Variants in CDK14 observed in about 807,000 individuals in gnomAD.
CDK14 encodes the protein cyclin-dependent kinase 14.
CDK14 carries 34 observed loss-of-function variants against 60.7 expected under a neutral mutation model. The ratio of observed to expected loss-of-function variants is 0.56; its 90% CI spans 0.43 to 0.75. CDK14 has a LOEUF of 0.75. CDK14 is among the 30% of genes least tolerant of loss of function. The pLI is 0.00. For missense variants in CDK14, 482 were observed against 564.1 expected (o/e 0.85, Z 1.47); for synonymous variants, 197 against 203.7 (o/e 0.97, Z 0.28).
At chr7:90,933,094 C>T (rs929617144) in intron 8 of CDK14, among the ~76,000 whole-genome samples, 3 of 152,046 alleles carry the variant, frequency 2.0e-5, no homozygotes, top group African/African-American at 7.2e-5. Context: ...AATCCCAGCA[C>T]TTTGGGCGAC....
chr7:91,174,533 A>T (rs1801657313), intron 14 of CDK14, among the ~76,000 whole-genome samples: 1 of 151,080 alleles, frequency 6.6e-6, no homozygotes, highest in South Asian at 2.1e-4. Context: ...CATTCAAACC[A>T]AAGGCAAAGA....
At chr7:90,803,499 G>C (rs1443549466) in intron 5 of CDK14, among the ~76,000 whole-genome samples, 1 of 152,142 alleles carries the variant, frequency 6.6e-6, no homozygotes. Context: ...GATGAAGGTG[G>C]GGTTAGTCAG....
At chr7:91,037,212 A>G (rs1796957343) in intron 10 of CDK14, among the ~76,000 whole-genome samples, 1 of 152,166 alleles carries the variant, frequency 6.6e-6, no homozygotes, top group Non-Finnish European at 1.5e-5. Context: ...TGCCTTATTA[A>G]ATATTTTTGA....
intron 14 of CDK14, among the ~76,000 whole-genome samples, chr7:91,161,201 AT>A (rs964381228): frequency 2.0e-5 from 3 of 152,122 alleles, no homozygotes; most frequent in Non-Finnish European, 4.4e-5. Context: ...GATTATGGAT[AT>A]TGTGGTGTAG....
intron 5 of CDK14, among the ~76,000 whole-genome samples, chr7:90,793,641 A>T (rs1392383068): frequency 6.6e-6 from 1 of 152,192 alleles, no homozygotes; most frequent in East Asian, 1.9e-4. Context: ...TGCTCCATGG[A>T]AGTGGCTTTT....
intron 2 of CDK14, among the ~76,000 whole-genome samples, chr7:90,633,115 T>C (rs182307727): frequency 6.6e-6 from 1 of 150,664 alleles, no homozygotes; most frequent in African/African-American, 2.4e-5. Context: ...AAAAAATTGT[T>C]TTGCAGTGTA....
chr7:91,187,979 T>C (rs1802242766), intron 14 of CDK14, among the ~76,000 whole-genome samples: 1 of 152,210 alleles, frequency 6.6e-6, no homozygotes, highest in African/African-American at 2.4e-5. Flanking sequence ...CCTTTTCCTA[T>C]TGGCACAACT....
chr7:91,125,620 ACAT>A (rs200250463), intron 14 of CDK14, among the ~76,000 whole-genome samples: 1,638 of 152,278 alleles, frequency 0.011, 10 homozygotes, highest in Non-Finnish European at 0.018. Flanking sequence ...TGTGAAGATA[ACAT>A]CATAGATTAA....
intron 5 of CDK14, among the ~76,000 whole-genome samples, chr7:90,817,145 C>A (rs1789385021): frequency 6.6e-6 from 1 of 151,998 alleles, no homozygotes; most frequent in Non-Finnish European, 1.5e-5. Context: ...TCAAATAATT[C>A]CTATTTTAAT....
intron 4 of CDK14, among the ~76,000 whole-genome samples, chr7:90,770,315 T>C (rs1804735036): frequency 6.6e-6 from 1 of 152,248 alleles, no homozygotes; most frequent in Admixed American, 6.5e-5. Context: ...GTCTTGGTCT[T>C]GGAATTCTAA....
chr7:90,758,666 G>A (rs954787924), intron 4 of CDK14, among the ~76,000 whole-genome samples: 36 of 152,076 alleles, frequency 2.4e-4, no homozygotes, highest in Non-Finnish European at 1.0e-4. Context: ...TTCTGCCCTC[G>A]GGAAACTTAA....
chr7:91,001,086 C>T (rs1031702939), intron 10 of CDK14, among the ~76,000 whole-genome samples: 3 of 151,990 alleles, frequency 2.0e-5, no homozygotes, highest in Non-Finnish European at 4.4e-5. Flanking sequence ...TTAATCTTTA[C>T]CTTTGTGCTC....
chr7:91,078,332 C>G (rs759262441), intron 11 of CDK14, among the ~76,000 whole-genome samples: 1 of 152,162 alleles, frequency 6.6e-6, no homozygotes, highest in Non-Finnish European at 1.5e-5. Flanking sequence ...ACAGGCCAGG[C>G]GCAGTGGCTC....
At chr7:90,969,240 T>G (rs1011468060) in intron 9 of CDK14, among the ~76,000 whole-genome samples, 1 of 152,156 alleles carries the variant, frequency 6.6e-6, no homozygotes, top group African/African-American at 2.4e-5. Flanking sequence ...CAGTCATATA[T>G]CTTAGTAGTG....
chr7:91,179,662 G>T (rs1801928554), intron 14 of CDK14, among the ~76,000 whole-genome samples: 2 of 152,048 alleles, frequency 1.3e-5, no homozygotes, highest in African/African-American at 4.8e-5. Context: ...AATTAGCCGG[G>T]CGTGGTGGCG....
At chr7:90,753,387 A>G (rs1803925489) in intron 4 of CDK14, among the ~76,000 whole-genome samples, 1 of 152,192 alleles carries the variant, frequency 6.6e-6, no homozygotes, top group Admixed American at 6.5e-5. Flanking sequence ...AACAAAAACC[A>G]TTTGATCATC....
At chr7:91,061,153 T>A (rs561046845) in intron 11 of CDK14, among the ~76,000 whole-genome samples, 45 of 152,332 alleles carry the variant, frequency 3.0e-4, no homozygotes, top group Non-Finnish European at 4.6e-4. Context: ...ATTCATTTGA[T>A]CTTCAGTCAC....
intron 4 of CDK14, among the ~76,000 whole-genome samples, chr7:90,766,767 C>A (rs1254036448): frequency 6.6e-6 from 1 of 152,070 alleles, no homozygotes; most frequent in Non-Finnish European, 1.5e-5. Flanking sequence ...ACTCGGGGGG[C>A]CATAGGCAGG....
intron 2 of CDK14, among the ~76,000 whole-genome samples, chr7:90,715,894 G>A (rs915087672): frequency 1.5e-4 from 22 of 151,300 alleles, no homozygotes; most frequent in Non-Finnish European, 3.2e-4. Context: ...CTCATCTCTT[G>A]TGTCCCATTT....
Sources: allele counts gnomAD v4.1 joint callset (sites outside exome capture counted in the v4.1 genomes callset), GRCh38; gene constraint gnomAD v4.1.1; transcripts MANE v1.5; gene names NCBI Gene and HGNC (gene_info 2026-07-23, HGNC 2026-07-21).